RARB: variants seen among roughly 807,000 people sequenced by gnomAD.
RARB encodes the protein HBV-activated protein.
Under a neutral mutation model 51.9 loss-of-function variants are expected in RARB, and 17 were observed. The ratio of observed to expected loss-of-function variants is 0.33; its 90% CI spans 0.22 to 0.49. The LOEUF is 0.49. RARB is among the 20% of genes least tolerant of loss of function. The pLI is 0.99. For synonymous variants in RARB, 215 were observed against 195.4 expected, an observed-to-expected ratio of 1.10 and a Z score of -0.84; for missense variants, 369 against 550.8, an observed-to-expected ratio of 0.67 and a Z score of 3.30.
At chr3:25,068,468 G>A (rs952218030) in intron 3 of RARB, among the ~76,000 whole-genome samples, 1 of 152,118 alleles carries the variant, frequency 6.6e-6, no homozygotes, top group African/African-American at 2.4e-5. Context: ...AAAAAGGGGG[G>A]TAATATTGAG....
intron 5 of RARB, among the ~76,000 whole-genome samples, chr3:25,292,167 T>C (rs956134412): frequency 1.3e-5 from 2 of 152,044 alleles, no homozygotes; most frequent in East Asian, 3.9e-4. Context: ...TTGTCCCCAG[T>C]AGGAGAATTT....
At chr3:24,852,144 A>G (rs779744479) in intron 1 of RARB, among the ~76,000 whole-genome samples, 1 of 152,164 alleles carries the variant, frequency 6.6e-6, no homozygotes, top group Non-Finnish European at 1.5e-5. Context: ...TTTGTTAGTG[A>G]TGGGTTAACA....
At chr3:25,432,054 T>C (rs957722014) in intron 1 of RARB, among the ~76,000 whole-genome samples, 3 of 152,140 alleles carry the variant, frequency 2.0e-5, no homozygotes, top group Non-Finnish European at 4.4e-5. Flanking sequence ...TAGGACATAA[T>C]TTTCTGCTTC....
chr3:25,145,909 G>GGA (rs1294277108), intron 4 of RARB, among the ~76,000 whole-genome samples: 1 of 152,042 alleles, frequency 6.6e-6, no homozygotes, highest in African/African-American at 2.4e-5. Context: ...GGCTGAGGCA[G>GGA]GAGAATCACT....
chr3:25,489,955 C>T (rs1341398298), intron 2 of RARB, among the ~76,000 whole-genome samples: 4 of 152,248 alleles, frequency 2.6e-5, no homozygotes, highest in Non-Finnish European at 5.9e-5. Context: ...CATACAAGGA[C>T]AGAATCCATT....
chr3:24,900,992 AG>A (rs889389532), intron 2 of RARB, among the ~76,000 whole-genome samples: 4 of 152,254 alleles, frequency 2.6e-5, no homozygotes, highest in African/African-American at 9.6e-5. Flanking sequence ...TAACGCAACC[AG>A]GACTTAAAAT....
chr3:24,927,272 T>A (rs1424543531), intron 2 of RARB, among the ~76,000 whole-genome samples: 2 of 152,174 alleles, frequency 1.3e-5, no homozygotes, highest in Non-Finnish European at 2.9e-5. Context: ...ATTAAATGTA[T>A]TTATCTTTAT....
intron 5 of RARB, among the ~76,000 whole-genome samples, chr3:25,242,521 T>C (rs116757684): frequency 0.03 from 4,615 of 152,290 alleles, 99 homozygotes; most frequent in Middle Eastern, 0.051. Flanking sequence ...GTTTTCTGCA[T>C]ATGACTAGCC....
rs143277518 is a variant in RARB at position 25,265,305 on chromosome 3, T to C, written c.178+90730T>C. Among the ~76,000 whole-genome samples, 422 of 152,320 alleles carry C rather than the reference T, an allele frequency of 2.8e-3. 2 individuals are homozygous for C. Among genetic ancestry groups the C allele is most frequent in the African/African-American group, 9.8e-3 (409 of 41,574 alleles). On this transcript the variant is annotated intron_variant, in intron 5 of 11. Coordinates refer to the RARB transcript ENST00000383772. Reference sequence around the variant, plus strand: ...TGGAATGAGTTTATAAAAGTTACAATTTTTCGGTACAAGAATATTTGTATT... The same window carrying C: ...TGGAATGAGTTTATAAAAGTTACAACTTTTCGGTACAAGAATATTTGTATT...
At chr3:25,248,753 A>T (rs1340834519) in intron 5 of RARB, among the ~76,000 whole-genome samples, 1 of 152,120 alleles carries the variant, frequency 6.6e-6, no homozygotes, top group East Asian at 1.9e-4. Flanking sequence ...TTTAAAATGT[A>T]TCATTCTGTT....
At chr3:25,027,345 C>T (rs1697769762) in intron 2 of RARB, among the ~76,000 whole-genome samples, 1 of 152,080 alleles carries the variant, frequency 6.6e-6, no homozygotes, top group African/African-American at 2.4e-5. Context: ...CCTGGTTGTA[C>T]CCAAGCAGGC....
At chr3:25,201,031 G>A (rs965180464) in intron 5 of RARB, among the ~76,000 whole-genome samples, 1 of 152,144 alleles carries the variant, frequency 6.6e-6, no homozygotes, top group Non-Finnish European at 1.5e-5. Flanking sequence ...ATTACCTTGG[G>A]CAGTATGGCC....
chr3:25,413,950 G>C (rs1007817805), intron 5 of RARB, among the ~76,000 whole-genome samples: 6 of 152,266 alleles, frequency 3.9e-5, no homozygotes, highest in African/African-American at 1.2e-4. Context: ...AAATGTGTAA[G>C]TTTTGATGCG....
At chr3:25,325,333 G>A (rs1202181897) in intron 5 of RARB, among the ~76,000 whole-genome samples, 1 of 152,052 alleles carries the variant, frequency 6.6e-6, no homozygotes, top group African/African-American at 2.4e-5. Context: ...GGTTTTGGTG[G>A]GTTTTGGCTG....
intron 3 of RARB, among the ~76,000 whole-genome samples, chr3:25,503,979 C>T (rs897687384): frequency 2.6e-5 from 4 of 152,190 alleles, no homozygotes; most frequent in Admixed American, 2.6e-4. Context: ...ACAGTGAAAT[C>T]GGCCACCTCT....
At chr3:24,842,293 T>C (rs914296203) in intron 1 of RARB, among the ~76,000 whole-genome samples, 4 of 152,216 alleles carry the variant, frequency 2.6e-5, no homozygotes, top group African/African-American at 9.6e-5. Flanking sequence ...GTCAGCACAT[T>C]AAAAACTACT....
chr3:24,979,157 G>C (rs962672499), intron 2 of RARB, among the ~76,000 whole-genome samples: 3 of 152,190 alleles, frequency 2.0e-5, no homozygotes, highest in Admixed American at 6.5e-5. Flanking sequence ...TTGCTGAGGA[G>C]TGTTTTACTT....
chr3:24,901,387 A>G (rs1193384397), intron 2 of RARB, among the ~76,000 whole-genome samples: 1 of 152,096 alleles, frequency 6.6e-6, no homozygotes, highest in Non-Finnish European at 1.5e-5. Flanking sequence ...CCAAACCTAT[A>G]TGGATTTCAT....
At chr3:24,976,766 T>A (rs1696522397) in intron 2 of RARB, among the ~76,000 whole-genome samples, 1 of 152,196 alleles carries the variant, frequency 6.6e-6, no homozygotes, top group Non-Finnish European at 1.5e-5. Flanking sequence ...TTAGTTTAAT[T>A]AGATCCCATT....
Sources: allele counts gnomAD v4.1 joint callset (sites outside exome capture counted in the v4.1 genomes callset), GRCh38; gene constraint gnomAD v4.1.1; transcripts MANE v1.5; gene names NCBI Gene and HGNC (gene_info 2026-07-23, HGNC 2026-07-21).